MAP2K4: variants seen among roughly 807,000 people sequenced by gnomAD.
MAP2K4 encodes mitogen-activated protein kinase kinase 4, also known as dual specificity mitogen-activated protein kinase kinase 4.
A neutral mutation model predicts 48.5 loss-of-function variants in MAP2K4; 4 were observed. The observed-to-expected ratio is 0.08, with a 90% confidence interval of 0.04 to 0.19. MAP2K4 has a LOEUF of 0.19. Ranked by LOEUF, MAP2K4 falls within the 10% of genes least tolerant of loss-of-function variation. MAP2K4 has a pLI of 1.00. For synonymous variants in MAP2K4, 166 were observed against 173.1 expected (o/e 0.96, Z 0.32); for missense variants, 258 against 493.3 (o/e 0.52, Z 4.52).
chr17:12,107,632 T>G (rs369901485), intron 4 of MAP2K4, among the ~76,000 whole-genome samples, 158 bp from the exon 5 acceptor site: 1 of 152,068 alleles, frequency 6.6e-6, no homozygotes, highest in African/African-American at 2.4e-5. Flanking sequence ...AGTAGAATAT[T>G]CTGTTGAAGG....
rs376785792 is a variant in MAP2K4, at chr17:12,125,388, T to C, written c.891+17T>C. 1.9e-6 allele frequency: 3 copies of C among 1,605,684 alleles called. No homozygotes were observed. The African/African-American group carries it at 4.0e-5, about 21-fold the overall frequency. ...ATCACATTGGTATGTTTATGCTGAT[T>C]CAACCTTGCCACAGTAGCGTAACAA... On this transcript the variant is annotated intron_variant, in intron 8 of 10. Coordinates refer to ENST00000353533, the MANE Select transcript of MAP2K4 (RefSeq NM_003010.4).
chr17:12,069,890 CATATATATATAT>C (rs56309746), intron 2 of MAP2K4: 106 of 182,968 alleles, frequency 5.8e-4, no homozygotes, highest in African/African-American at 2.1e-3. Context: ...GAAGATTAGT[CATATATATATAT>C]ATATATATAT....
intron 1 of MAP2K4, among the ~76,000 whole-genome samples, chr17:12,027,609 T>C (rs1969298783): frequency 6.6e-6 from 1 of 152,188 alleles, no homozygotes; most frequent in Non-Finnish European, 1.5e-5. Context: ...GACATGCCTA[T>C]GTCTATTTAT....
chr17:12,113,677 C>T (rs1481076396), intron 7 of MAP2K4, among the ~76,000 whole-genome samples: 1 of 152,214 alleles, frequency 6.6e-6, no homozygotes, highest in Admixed American at 6.5e-5. Context: ...CCCACCGTCC[C>T]TTAGTGAGAC....
intron 1 of MAP2K4, among the ~76,000 whole-genome samples, chr17:12,025,114 G>A (rs575163373): frequency 3.9e-5 from 6 of 152,298 alleles, no homozygotes; most frequent in Admixed American, 1.3e-4. Context: ...ATAGCATGTA[G>A]TAATGTTTAA....
At chr17:12,074,042 G>C (rs545538134) in intron 2 of MAP2K4, among the ~76,000 whole-genome samples, 2 of 152,148 alleles carry the variant, frequency 1.3e-5, no homozygotes, top group Non-Finnish European at 2.9e-5. Context: ...AAAGTGCGGG[G>C]ACTACAGGTG....
intron 4 of MAP2K4, among the ~76,000 whole-genome samples, chr17:12,105,687 C>T (rs565000098): frequency 6.6e-6 from 1 of 152,142 alleles, no homozygotes; most frequent in East Asian, 1.9e-4. Context: ...TTAAATGCAG[C>T]TCATTGCCAT....
intron 1 of MAP2K4, among the ~76,000 whole-genome samples, chr17:12,027,792 A>C (rs945578658): frequency 4.6e-5 from 7 of 151,982 alleles, no homozygotes; most frequent in Non-Finnish European, 8.8e-5. Context: ...AGAGGTGTAG[A>C]GGGTGGGGTG....
intron 1 of MAP2K4, among the ~76,000 whole-genome samples, chr17:12,033,409 C>T (rs1428810195): frequency 1.3e-5 from 2 of 152,104 alleles, no homozygotes; most frequent in East Asian, 3.9e-4. Context: ...TGCATAGTTT[C>T]CACTGATTGA....
rs1200079187 is a variant in MAP2K4, at chr17:12,029,066, CACTT to C, written c.115+8068_115+8071del. Among the ~76,000 whole-genome samples the C allele has an allele frequency of 1.6e-4, 24 of 152,206 alleles. 1 individual carries two copies. The highest frequency in any genetic ancestry group is 1.5e-3 in the Admixed American group (23 of 15,274). On this transcript the variant is annotated intron_variant, in intron 1 of 10. Coordinates refer to ENST00000353533, the MANE Select transcript of MAP2K4 (RefSeq NM_003010.4). ...ACCATTTGCTTTTTGTTTTTATAAA[CACTT>C]ACACATCCTAAACAGCCGCTTACCT...
intron 1 of MAP2K4, among the ~76,000 whole-genome samples, chr17:12,028,166 T>G (rs1969321081): frequency 6.6e-6 from 1 of 152,222 alleles, no homozygotes; most frequent in South Asian, 2.1e-4. Flanking sequence ...GTACTGTGCT[T>G]CATTAAACAG....
intron 4 of MAP2K4, among the ~76,000 whole-genome samples, chr17:12,097,414 G>T (rs1411757580): frequency 1.3e-5 from 2 of 152,128 alleles, no homozygotes; most frequent in Non-Finnish European, 1.5e-5. Context: ...ACCTAGCCTT[G>T]GGCTAGATAG....
chr17:12,124,453 A>G (rs1212137505), intron 7 of MAP2K4: 1 of 152,196 alleles, frequency 6.6e-6, no homozygotes, highest in Admixed American at 6.5e-5. Flanking sequence ...TAACAGACAA[A>G]TATCTTTACA....
At chr17:12,094,537 A>G (rs533160922) in intron 3 of MAP2K4, among the ~76,000 whole-genome samples, 11 of 152,348 alleles carry the variant, frequency 7.2e-5, no homozygotes, top group African/African-American at 2.6e-4. Flanking sequence ...TTGTAAGTAC[A>G]CACTATGTAT....
chr17:12,081,475 A>G lies in MAP2K4; in HGVS notation c.338A>G (p.Tyr113Cys). ...KDLGEIGRGA[Y>C]GSVNKMVHKP... ...CTTGGAGAAATTGGACGAGGAGCTTATGGTTCTGTCAACAAAATGGTCCAC... is the reference window on the plus strand; with the variant it reads ...CTTGGAGAAATTGGACGAGGAGCTTGTGGTTCTGTCAACAAAATGGTCCAC... Residue 113 changes from tyrosine to cysteine, a missense_variant, in exon 3 of 11, where the codon TAT (tyrosine) becomes TGT (cysteine). Physicochemically the swap from Tyr to Cys is radical, Grantham distance 194. This residue lies in a region of MAP2K4 where 132 missense variants were observed against 352.8 expected (regional missense o/e 0.37). Transcript: ENST00000353533. The surrounding 1 kb of genome is among the most constrained non-coding windows in gnomAD (Gnocchi z 4.2). 1 of 1,614,148 alleles carries G rather than the reference A, an allele frequency of 6.2e-7. No homozygotes were observed. Among genetic ancestry groups the G allele is most frequent in the Non-Finnish European group, 8.5e-7 (1 of 1,180,018 alleles).
chr17:12,050,381 C>T (rs529478001), intron 1 of MAP2K4, among the ~76,000 whole-genome samples: 65 of 152,192 alleles, frequency 4.3e-4, no homozygotes, highest in Non-Finnish European at 7.4e-5. Context: ...AAATTGTTTA[C>T]AATTTTTTGA....
At position 12,143,459 on chromosome 17, in the gene MAP2K4, C is replaced by T. The variant is rs546863393; in HGVS notation, c.*2199C>T. On this transcript the variant is annotated 3_prime_UTR_variant, in exon 11 of 11. Coordinates refer to ENST00000353533, the MANE Select transcript of MAP2K4 (RefSeq NM_003010.4). ...ACAAACTGTGAAAATAGTGTAAGAA[C>T]TGTACATTGTGAGCTCTGGTTATTT... is the stretch of plus-strand genomic sequence containing the variant. 4.7e-5 allele frequency: 11 copies of T among 232,448 alleles called. No individual in the cohort carries two copies. The highest frequency in any genetic ancestry group is 3.9e-4 in the Admixed American group (7 of 17,772). The allele number at this position is 232,448 out of a possible 1,614,324, so 14.4% of individuals were successfully genotyped here. A position where few individuals can be genotyped will look rare whatever the true frequency, so the allele number is the denominator to read the frequency against.
chr17:12,103,006 C>T (rs538205885), intron 4 of MAP2K4, among the ~76,000 whole-genome samples: 1 of 146,118 alleles, frequency 6.8e-6, no homozygotes, highest in South Asian at 2.2e-4. Context: ...AGCTAGCTCT[C>T]AGTTAAATGA....
At chr17:12,098,503 A>G (rs1971832733) in intron 4 of MAP2K4, among the ~76,000 whole-genome samples, 2 of 151,082 alleles carry the variant, frequency 1.3e-5, no homozygotes, top group Admixed American at 6.6e-5. Context: ...GTATGTGTGT[A>G]TGTATATATA....
Sources: allele counts gnomAD v4.1 joint callset (sites outside exome capture counted in the v4.1 genomes callset), GRCh38; gene constraint gnomAD v4.1.1; regional missense constraint gnomAD v4.1.1; non-coding constraint Gnocchi (gnomAD v3.1); transcripts MANE v1.5; gene names NCBI Gene and HGNC (gene_info 2026-07-23, HGNC 2026-07-21).